ANKS1B: variants seen among roughly 807,000 people sequenced by gnomAD.
ANKS1B encodes ankyrin repeat and sterile alpha motif domain containing 1B, also known as ankyrin repeat and sterile alpha motif domain-containing protein 1B.
In ANKS1B, 36 loss-of-function variants were observed where a neutral mutation model predicts 148.3. That is an observed-to-expected ratio of 0.24 (90% CI 0.19 to 0.32). ANKS1B has a LOEUF of 0.32. ANKS1B is among the 10% of genes least tolerant of loss of function. ANKS1B has a pLI of 1.00. For synonymous variants in ANKS1B, 542 were observed against 560.8 expected (o/e 0.97, Z 0.47); for missense variants, 1,157 against 1,542.6 (o/e 0.75, Z 4.19).
At chr12:99,591,256 C>T (rs941306443) in intron 9 of ANKS1B, among the ~76,000 whole-genome samples, 15 of 151,546 alleles carry the variant, frequency 9.9e-5, no homozygotes, top group African/African-American at 1.2e-4. Flanking sequence ...TTATCTCGTT[C>T]GATAAAAATA....
chr12:99,797,971 T>C (rs1272605887), intron 4 of ANKS1B, among the ~76,000 whole-genome samples: 2 of 151,960 alleles, frequency 1.3e-5, no homozygotes, highest in Non-Finnish European at 2.9e-5. Context: ...TTTAAAGGGA[T>C]GTTTGTTATA....
At chr12:99,170,314 G>C (rs1052624583) in intron 14 of ANKS1B, among the ~76,000 whole-genome samples, 1 of 151,788 alleles carries the variant, frequency 6.6e-6, no homozygotes, top group East Asian at 1.9e-4. Flanking sequence ...CCAGACTCTC[G>C]AGCCAGACTG....
intron 9 of ANKS1B, among the ~76,000 whole-genome samples, chr12:99,532,842 G>C (rs761196905): frequency 6.6e-6 from 1 of 152,126 alleles, no homozygotes; most frequent in East Asian, 1.9e-4. Flanking sequence ...TAGGTATTTT[G>C]CTTTGTTTCT....
intron 11 of ANKS1B, among the ~76,000 whole-genome samples, chr12:99,401,000 A>AAT (rs1555417481): frequency 3.4e-5 from 5 of 145,696 alleles, no homozygotes; most frequent in Non-Finnish European, 7.6e-5. Context: ...TTTTTAAAAA[A>AAT]ATATATAAGG....
chr12:99,588,918 C>T (rs2097671130), intron 9 of ANKS1B, among the ~76,000 whole-genome samples: 1 of 152,198 alleles, frequency 6.6e-6, no homozygotes, highest in Non-Finnish European at 1.5e-5. Context: ...TAGTGACTTG[C>T]ATTTCCCTAC....
chr12:99,124,418 A>ATGTGTGTGTG (rs71081900), intron 15 of ANKS1B, among the ~76,000 whole-genome samples: 46,102 of 149,732 alleles, frequency 0.31, 7,863 homozygotes, highest in South Asian at 0.43. Context: ...ATTTGTGTGC[A>ATGTGTGTGTG]TGTGTGTGTG....
chr12:99,743,360 AT>A (rs1418370797), intron 8 of ANKS1B, among the ~76,000 whole-genome samples: 2 of 152,168 alleles, frequency 1.3e-5, no homozygotes, highest in African/African-American at 2.4e-5. Context: ...AATGTAGTCT[AT>A]TTTTTAAATG....
intron 1 of ANKS1B, among the ~76,000 whole-genome samples, chr12:99,967,231 A>G (rs1323531509): frequency 1.3e-5 from 2 of 152,200 alleles, no homozygotes; most frequent in African/African-American, 4.8e-5. Context: ...CCTGTGTAAT[A>G]GGCACTGTGA....
At chr12:99,250,614 T>A (rs573647863) in intron 12 of ANKS1B, among the ~76,000 whole-genome samples, 5 of 152,064 alleles carry the variant, frequency 3.3e-5, no homozygotes, top group Non-Finnish European at 7.3e-5. Flanking sequence ...GAGCTGAGGT[T>A]TTCCCAGGCC....
At chr12:99,860,694 C>G (rs1045012701) in intron 1 of ANKS1B, among the ~76,000 whole-genome samples, 1 of 152,192 alleles carries the variant, frequency 6.6e-6, no homozygotes, top group Non-Finnish European at 1.5e-5. Flanking sequence ...GGGTAGAAAC[C>G]TGTAAGAGGA....
At chr12:99,455,298 A>AG (rs1303243703) in intron 10 of ANKS1B, among the ~76,000 whole-genome samples, 1 of 152,154 alleles carries the variant, frequency 6.6e-6, no homozygotes, top group Non-Finnish European at 1.5e-5. Context: ...CTGAGAGTAA[A>AG]GGGGGAAAAA....
intron 17 of ANKS1B, among the ~76,000 whole-genome samples, chr12:98,929,081 G>A (rs7959428): frequency 0.091 from 13,826 of 151,636 alleles, 740 homozygotes; most frequent in African/African-American, 0.14. Context: ...CAAGTTCAGC[G>A]AGGTTTCCTG....
At chr12:99,394,901 T>C (rs776487264) in intron 12 of ANKS1B, among the ~76,000 whole-genome samples, 1 of 147,954 alleles carries the variant, frequency 6.8e-6, no homozygotes, top group Non-Finnish European at 1.5e-5. Flanking sequence ...TAACTCCTGG[T>C]ATTTCTCACT....
intron 12 of ANKS1B, among the ~76,000 whole-genome samples, chr12:99,291,426 G>A (rs2079960828): frequency 6.6e-6 from 1 of 151,946 alleles, no homozygotes; most frequent in Admixed American, 6.6e-5. Context: ...AAAGAACTAG[G>A]CTAGCCAAAG....
chr12:99,756,216 T>G (rs2061552567), intron 8 of ANKS1B, among the ~76,000 whole-genome samples: 3 of 152,066 alleles, frequency 2.0e-5, no homozygotes, highest in African/African-American at 7.2e-5. Context: ...CCCAAAAGCT[T>G]CTTAAGCTGA....
chr12:98,809,440 T>C (rs973753466), intron 19 of ANKS1B, among the ~76,000 whole-genome samples: 2 of 152,198 alleles, frequency 1.3e-5, no homozygotes, highest in Non-Finnish European at 2.9e-5. Context: ...TCTGCAACTT[T>C]CACACACTTC....
intron 12 of ANKS1B, among the ~76,000 whole-genome samples, chr12:99,362,300 A>G (rs922413176): frequency 6.6e-6 from 1 of 152,032 alleles, no homozygotes; most frequent in African/African-American, 2.4e-5. Flanking sequence ...GAGAGACTTC[A>G]TTATACATTA....
chr12:99,113,739 T>G (rs1314137682), intron 15 of ANKS1B, among the ~76,000 whole-genome samples: 1 of 152,182 alleles, frequency 6.6e-6, no homozygotes, highest in Non-Finnish European at 1.5e-5. Context: ...AGAAGGCCCT[T>G]GACTGAACTT....
chr12:99,266,485 G>T (rs1012387725), intron 12 of ANKS1B, among the ~76,000 whole-genome samples: 2 of 152,134 alleles, frequency 1.3e-5, no homozygotes, highest in Non-Finnish European at 2.9e-5. Context: ...TTACACAACT[G>T]GTTAGTAAAA....
Sources: allele counts gnomAD v4.1 joint callset (sites outside exome capture counted in the v4.1 genomes callset), GRCh38; gene constraint gnomAD v4.1.1; transcripts MANE v1.5; gene names NCBI Gene and HGNC (gene_info 2026-07-23, HGNC 2026-07-21).